Variants in BRINP1 observed in about 807,000 individuals in gnomAD.
BRINP1 encodes BMP/retinoic acid inducible neural specific 1, also known as BMP/retinoic acid-inducible neural-specific protein 1.
BRINP1 carries 17 observed loss-of-function variants against 72.9 expected under a neutral mutation model. The ratio of observed to expected loss-of-function variants is 0.23; its 90% confidence interval spans 0.16 to 0.35. BRINP1 has a LOEUF of 0.35. BRINP1 is among the 10% of genes least tolerant of loss of function. BRINP1 has a pLI of 1.00. For missense variants in BRINP1, 850 were observed against 1,001.6 expected (o/e 0.85, Z 2.04); for synonymous variants, 418 against 378.5 (o/e 1.10, Z -1.21).
intron 7 of BRINP1, among the ~76,000 whole-genome samples, chr9:119,174,743 T>C (rs1484501457): frequency 6.6e-6 from 1 of 151,582 alleles, no homozygotes; most frequent in African/African-American, 2.4e-5. Flanking sequence ...ATAGACTGGA[T>C]TAAGAAAATG....
chr9:119,346,564 G>T (rs1831454479), intron 1 of BRINP1, among the ~76,000 whole-genome samples: 1 of 152,068 alleles, frequency 6.6e-6, no homozygotes, highest in South Asian at 2.1e-4. Context: ...CAGCACTTAA[G>T]AGCCATCAGC....
At chr9:119,309,536 A>G (rs922451747) in intron 2 of BRINP1, among the ~76,000 whole-genome samples, 1 of 152,226 alleles carries the variant, frequency 6.6e-6, no homozygotes, top group African/African-American at 2.4e-5. Context: ...CTTAACAGAA[A>G]GTGAAAATAA....
rs776852143 is a variant in BRINP1, at chr9:119,167,150, G to A, written c.2220C>T (p.His740=). The A allele has an allele frequency of 2.8e-5, 45 of 1,614,128 alleles. No individual in the cohort carries two copies. The highest frequency in any genetic ancestry group is 2.5e-4 in the African/African-American group (19 of 75,038). ...TCTCCGTGTTGTACAGGTCCAAGGCGTGGTTCACCCTGATGATCTCGCTGT... is the reference window on the plus strand; with the variant it reads ...TCTCCGTGTTGTACAGGTCCAAGGCATGGTTCACCCTGATGATCTCGCTGT... The part of the protein sequence containing the change: ...LTNSEIIRVN[H]ALDLYNTEIL... Residue 740 remains histidine (H), a synonymous_variant, in exon 8 of 8, where the codon CAC becomes CAT. Coordinates refer to ENST00000265922, the MANE Select transcript of BRINP1 (RefSeq NM_014618.3). The surrounding 1 kb of genome is among the most constrained non-coding windows in gnomAD (Gnocchi z 4.3).
At chr9:119,341,175 A>G (rs1385099797) in intron 1 of BRINP1, among the ~76,000 whole-genome samples, 1 of 152,210 alleles carries the variant, frequency 6.6e-6, no homozygotes, top group African/African-American at 2.4e-5. Flanking sequence ...TAAGGAATGC[A>G]AAAGTTGGGA....
At chr9:119,345,052 T>C (rs1160950259) in intron 1 of BRINP1, among the ~76,000 whole-genome samples, 1 of 152,202 alleles carries the variant, frequency 6.6e-6, no homozygotes, top group Non-Finnish European at 1.5e-5. Context: ...AGCATCCAGA[T>C]GGCAGCCTAA....
At chr9:119,274,342 G>A (rs1259021753) in intron 2 of BRINP1, among the ~76,000 whole-genome samples, 1 of 152,188 alleles carries the variant, frequency 6.6e-6, no homozygotes, top group Non-Finnish European at 1.5e-5. Flanking sequence ...GGGGTGTGAG[G>A]ACCTATGAGG....
At chr9:119,172,933 C>G (rs894213786) in intron 7 of BRINP1, among the ~76,000 whole-genome samples, 2 of 150,796 alleles carry the variant, frequency 1.3e-5, no homozygotes, top group African/African-American at 4.9e-5. Context: ...ATTCAACCAC[C>G]CTTCATGCTA....
At chr9:119,258,580 C>A (rs1011848809) in intron 2 of BRINP1, among the ~76,000 whole-genome samples, 1 of 152,178 alleles carries the variant, frequency 6.6e-6, no homozygotes, top group Admixed American at 6.5e-5. Context: ...GCACTCACGG[C>A]CATCACTGTC....
chr9:119,269,538 A>C (rs1320250936), intron 2 of BRINP1, among the ~76,000 whole-genome samples: 1 of 152,154 alleles, frequency 6.6e-6, no homozygotes, highest in Non-Finnish European at 1.5e-5. Context: ...ACCCCTGTTT[A>C]AAACTAACAT....
intron 1 of BRINP1, among the ~76,000 whole-genome samples, chr9:119,353,260 T>A (rs1023046988): frequency 2.0e-5 from 3 of 152,210 alleles, no homozygotes; most frequent in Admixed American, 1.3e-4. Flanking sequence ...GTGCTCTTCC[T>A]CTTCCTTATT....
At chr9:119,367,438 C>A (rs368520268) in intron 1 of BRINP1, among the ~76,000 whole-genome samples, 1 of 151,752 alleles carries the variant, frequency 6.6e-6, no homozygotes, top group South Asian at 2.1e-4. Flanking sequence ...TAACAGCTGC[C>A]GAGTCTGGAA....
At chr9:119,279,159 G>T (rs185078233) in intron 2 of BRINP1, among the ~76,000 whole-genome samples, 34 of 152,288 alleles carry the variant, frequency 2.2e-4, no homozygotes, top group Non-Finnish European at 2.5e-4. Flanking sequence ...AAAATAACAT[G>T]AACTCAGGCT....
intron 2 of BRINP1, among the ~76,000 whole-genome samples, chr9:119,249,865 AGG>A: frequency 1.2e-4 from 5 of 42,958 alleles, no homozygotes; most frequent in African/African-American, 6.1e-4. Context: ...GGAGGGAGGG[AGG>A]GAGGGAGGGA....
At chr9:119,187,598 A>G (rs1219028851) in intron 7 of BRINP1, among the ~76,000 whole-genome samples, 4 of 152,092 alleles carry the variant, frequency 2.6e-5, no homozygotes, top group African/African-American at 9.7e-5. Context: ...ATAAAATTAT[A>G]ATCGGTGATT....
At chr9:119,208,166 A>C (rs1173836960) in intron 7 of BRINP1, among the ~76,000 whole-genome samples, 1 of 152,192 alleles carries the variant, frequency 6.6e-6, no homozygotes, top group Non-Finnish European at 1.5e-5. Flanking sequence ...GAGGCAAGCA[A>C]GGTAGCCAGG....
intron 2 of BRINP1, among the ~76,000 whole-genome samples, chr9:119,305,696 C>T (rs1830988677): frequency 6.6e-6 from 1 of 152,130 alleles, no homozygotes; most frequent in African/African-American, 2.4e-5. Context: ...CACCTCAATG[C>T]AATGTAAGTT....
rs756907306 is a variant in BRINP1 at position 119,167,046 on chromosome 9, TACA to T, written c.*35_*37del. ...GCTTCATTTTGTTCTGTTGTGTGTG[TACA>T]ACAACAGGAAAAGTCCATGGCAAGG... On this transcript the variant is annotated 3_prime_UTR_variant, in exon 8 of 8. Transcript: ENST00000265922. This position sits in a 1 kb window ranked among gnomAD's most constrained non-coding sequence, Gnocchi z 4.3. 3.7e-5 allele frequency: 58 copies of T among 1,549,188 alleles called. No homozygotes were observed. The East Asian group carries it at 9.5e-4, about 25-fold the overall frequency.
intron 7 of BRINP1, among the ~76,000 whole-genome samples, chr9:119,203,607 AC>A (rs1829825402): frequency 6.6e-6 from 1 of 152,188 alleles, no homozygotes; most frequent in Admixed American, 6.5e-5. Flanking sequence ...GCTCCATTTT[AC>A]AGATAAGAAA....
At chr9:119,359,327 C>A (rs1831605473) in intron 1 of BRINP1, among the ~76,000 whole-genome samples, 1 of 152,088 alleles carries the variant, frequency 6.6e-6, no homozygotes, top group African/African-American at 2.4e-5. Flanking sequence ...CCCGAAGTAG[C>A]CAGGACTACA....
Sources: allele counts gnomAD v4.1 joint callset (sites outside exome capture counted in the v4.1 genomes callset), GRCh38; gene constraint gnomAD v4.1.1; non-coding constraint Gnocchi (gnomAD v3.1); transcripts MANE v1.5; gene names NCBI Gene and HGNC (gene_info 2026-07-23, HGNC 2026-07-21).